Variants in GABRG3 observed in about 807,000 individuals in gnomAD.
GABRG3 encodes the protein gamma-aminobutyric acid type A receptor subunit gamma3, also known as gamma-aminobutyric acid receptor subunit gamma-3.
GABRG3 carries 25 observed loss-of-function variants against 48.8 expected under a neutral mutation model. That is an observed-to-expected ratio of 0.51 (90% CI 0.37 to 0.72). The LOEUF (loss-of-function observed/expected upper bound fraction) is 0.72. Among genes scored for constraint, GABRG3 ranks in the 30% least tolerant of loss-of-function variants. The pLI, the probability that GABRG3 is intolerant of heterozygous loss-of-function variation, is 0.00. For synonymous variants in GABRG3, 227 were observed against 217.6 expected, an observed-to-expected ratio of 1.04 and a Z score of -0.38; for missense variants, 394 against 577.9, an observed-to-expected ratio of 0.68 and a Z score of 3.26.
intron 2 of GABRG3, among the ~76,000 whole-genome samples, chr15:27,023,822 G>A (rs1312590623): frequency 6.6e-6 from 1 of 152,204 alleles, no homozygotes; most frequent in Non-Finnish European, 1.5e-5. Context: ...ATACCCAGAA[G>A]TGGAACTACT....
At chr15:27,112,666 C>T (rs2140371494) in intron 3 of GABRG3, among the ~76,000 whole-genome samples, 1 of 152,220 alleles carries the variant, frequency 6.6e-6, no homozygotes, top group South Asian at 2.1e-4. Flanking sequence ...TCTTGAACTC[C>T]TGAGCTCAAG....
intron 3 of GABRG3, among the ~76,000 whole-genome samples, chr15:27,061,256 T>A (rs1233398669): frequency 1.3e-5 from 2 of 152,196 alleles, no homozygotes; most frequent in Non-Finnish European, 2.9e-5. Flanking sequence ...CTTACATCGC[T>A]GGTGCAGTGA....
chr15:27,300,756 G>T (rs1449420474), intron 3 of GABRG3, among the ~76,000 whole-genome samples: 1 of 149,034 alleles, frequency 6.7e-6, no homozygotes, highest in African/African-American at 2.5e-5. Context: ...AAGAAATTGA[G>T]ATTAAGAAAA....
intron 3 of GABRG3, among the ~76,000 whole-genome samples, chr15:27,159,793 A>T (rs11853425): frequency 1.3e-5 from 2 of 152,116 alleles, no homozygotes; most frequent in Non-Finnish European, 2.9e-5. Flanking sequence ...AGAATGTCCT[A>T]GTGTGACCTG....
At chr15:27,181,716 T>A (rs574100239) in intron 3 of GABRG3, among the ~76,000 whole-genome samples, 70 of 152,286 alleles carry the variant, frequency 4.6e-4, no homozygotes, top group African/African-American at 1.7e-3. Context: ...ATGTAAGCAT[T>A]CCTGTGAGTG....
chr15:27,409,332 C>G (rs1027979713), intron 5 of GABRG3, among the ~76,000 whole-genome samples: 1 of 152,104 alleles, frequency 6.6e-6, no homozygotes, highest in South Asian at 2.1e-4. Context: ...TTTTCAAGCA[C>G]CATTTGTTGA....
At chr15:27,030,000 A>G (rs1011495170) in intron 3 of GABRG3, among the ~76,000 whole-genome samples, 2 of 152,238 alleles carry the variant, frequency 1.3e-5, no homozygotes, top group Non-Finnish European at 2.9e-5. Context: ...TAAAAATGAA[A>G]CACAGATCTT....
At chr15:27,068,861 C>T (rs1037419867) in intron 3 of GABRG3, among the ~76,000 whole-genome samples, 1 of 152,148 alleles carries the variant, frequency 6.6e-6, no homozygotes, top group African/African-American at 2.4e-5. Context: ...ATCAGTGCTC[C>T]ATAATCTCTT....
At chr15:27,388,074 G>A (rs868144444) in intron 5 of GABRG3, among the ~76,000 whole-genome samples, 383 of 93,664 alleles carry the variant, frequency 4.1e-3, no homozygotes, top group Middle Eastern at 6.8e-3. Flanking sequence ...GGTAAGGAAG[G>A]AAGGAAGGAA....
chr15:27,355,832 C>T (rs932322527), intron 5 of GABRG3, among the ~76,000 whole-genome samples: 1 of 152,104 alleles, frequency 6.6e-6, no homozygotes, highest in Non-Finnish European at 1.5e-5. Flanking sequence ...CATAGATAAA[C>T]TTGGAAACCA....
chr15:27,507,904 T>C lies in GABRG3; in HGVS notation c.713-12068T>C, dbSNP rs534266749. Among the ~76,000 whole-genome samples, 3 of 152,348 alleles carry C rather than the reference T, an allele frequency of 2.0e-5. No individual in the cohort carries two copies. The East Asian group carries it at 5.8e-4, about 29-fold the overall frequency. The stretch of plus-strand genomic sequence containing the variant: ...TAGAGAATCCATCCTTTTATCATTA[T>C]GTAACATTCCTTTTTATTCCTAAAA... On this transcript the variant is annotated intron_variant, in intron 6 of 9. Transcript: ENST00000615808.
chr15:27,084,468 A>G (rs4887526), intron 3 of GABRG3, among the ~76,000 whole-genome samples: 33,498 of 152,090 alleles, frequency 0.22, 3,843 homozygotes, highest in Middle Eastern at 0.29. Context: ...TCAGTCTTTA[A>G]CCCAAGGTTC....
At chr15:27,021,839 C>A (rs1340095330) in intron 2 of GABRG3, among the ~76,000 whole-genome samples, 2 of 152,044 alleles carry the variant, frequency 1.3e-5, no homozygotes, top group Non-Finnish European at 2.9e-5. Flanking sequence ...CAAGACCCTG[C>A]CTCAAAATAA....
intron 2 of GABRG3, among the ~76,000 whole-genome samples, chr15:26,987,007 A>C (rs1158310858): frequency 1.3e-5 from 2 of 152,194 alleles, no homozygotes; most frequent in Non-Finnish European, 2.9e-5. Flanking sequence ...ATTACAGGTA[A>C]TGCACTTTGG....
At chr15:27,193,273 T>C (rs796754185) in intron 3 of GABRG3, among the ~76,000 whole-genome samples, 2 of 152,166 alleles carry the variant, frequency 1.3e-5, no homozygotes, top group Non-Finnish European at 2.9e-5. Flanking sequence ...CATTTAAGTC[T>C]GCAGAGGTTA....
intron 5 of GABRG3, among the ~76,000 whole-genome samples, chr15:27,478,687 C>T (rs1264265967): frequency 6.6e-6 from 1 of 152,148 alleles, no homozygotes. Flanking sequence ...AACACAAAAT[C>T]CTGTATACAA....
At chr15:27,438,299 T>G (rs547175753) in intron 5 of GABRG3, among the ~76,000 whole-genome samples, 1 of 152,366 alleles carries the variant, frequency 6.6e-6, no homozygotes, top group Non-Finnish European at 1.5e-5. Context: ...ATTTTCTTAA[T>G]AGCTTAGCTA....
intron 6 of GABRG3, among the ~76,000 whole-genome samples, chr15:27,509,655 C>A (rs1255487182): frequency 6.6e-6 from 1 of 152,172 alleles, no homozygotes; most frequent in African/African-American, 2.4e-5. Flanking sequence ...CTTAACCTCT[C>A]TTACTACATT....
At chr15:27,363,080 G>A (rs1895075744) in intron 5 of GABRG3, 2 of 152,142 alleles carry the variant, frequency 1.3e-5, no homozygotes, top group Admixed American at 6.5e-5. Context: ...TCCTGAGTTT[G>A]TGCTCTTTCT....
Sources: gnomAD v4.1 joint callset for allele counts (sites outside exome capture counted in the v4.1 genomes callset) on GRCh38, gnomAD v4.1.1 for gene constraint, MANE v1.5 for transcripts, NCBI Gene and HGNC (gene_info 2026-07-23, HGNC 2026-07-21) for gene names.